Variants in PRDM16 observed in about 807,000 individuals in gnomAD.
PRDM16 encodes the protein PR/SET domain 16.
PRDM16 carries 23 observed loss-of-function variants against 110.6 expected under a neutral mutation model. The observed-to-expected ratio is 0.21, with a 90% CI of 0.15 to 0.29. The LOEUF is 0.29. Among genes scored for constraint, PRDM16 ranks in the 10% least tolerant of loss-of-function variants. The probability of loss-of-function intolerance (pLI) is 1.00; values close to 1 mark genes in which losing one functional copy is unlikely to be tolerated. For missense variants in PRDM16, 1,615 were observed against 1,794.3 expected (o/e 0.90, Z 1.81); for synonymous variants, 799 against 781.8 (o/e 1.02, Z -0.37).
chr1:3,323,250 TG>T (rs1300735532), intron 3 of PRDM16, among the ~76,000 whole-genome samples: 1 of 151,922 alleles, frequency 6.6e-6, no homozygotes, highest in Non-Finnish European at 1.5e-5. Flanking sequence ...AGCCACGAGG[TG>T]GGGCAGGACA....
intron 1 of PRDM16, among the ~76,000 whole-genome samples, chr1:3,185,495 T>C (rs1449440460): frequency 6.6e-6 from 1 of 151,854 alleles, no homozygotes; most frequent in Non-Finnish European, 1.5e-5. Context: ...TGCAGGGATG[T>C]CCAGGCTGCG....
intron 3 of PRDM16, among the ~76,000 whole-genome samples, chr1:3,335,265 C>T (rs901974719): frequency 6.6e-6 from 1 of 152,174 alleles, no homozygotes; most frequent in African/African-American, 2.4e-5. Flanking sequence ...ATCACCACAC[C>T]GAGGAAGGCA....
rs1644075898 is a variant in PRDM16, at chr1:3,175,622, G to T, written c.38-10503G>T. Among the ~76,000 whole-genome samples the T allele has an allele frequency of 6.6e-6, 1 of 152,126 alleles. No individual in the cohort carries two copies. Among genetic ancestry groups the T allele is most frequent in the Admixed American group, 6.5e-5 (1 of 15,280 alleles). The stretch of plus-strand genomic sequence containing the variant: ...AGGATGGGGCCCCAACAAGCCTCAG[G>T]TGGAAGCTGCAGTCCCGTGGAGCCA... On this transcript the variant is annotated intron_variant, in intron 1 of 16. Transcript: ENST00000270722. The surrounding 1 kb of genome is among the most constrained non-coding windows in gnomAD (Gnocchi z 4.8).
intron 4 of PRDM16, among the ~76,000 whole-genome samples, chr1:3,394,797 G>A (rs913466325): frequency 2.6e-5 from 4 of 152,136 alleles, no homozygotes; most frequent in Admixed American, 1.3e-4. Context: ...TTCTAATACA[G>A]TGGCTCAAGT....
intron 1 of PRDM16, among the ~76,000 whole-genome samples, chr1:3,169,798 G>T (rs1041012867): frequency 1.3e-5 from 2 of 152,164 alleles, no homozygotes; most frequent in Non-Finnish European, 2.9e-5. Flanking sequence ...GGTTCCCCCC[G>T]AGCCTCGGGC....
intron 3 of PRDM16, among the ~76,000 whole-genome samples, chr1:3,360,483 G>GGTCCTTAGGCACC (rs765483352): frequency 6.8e-4 from 103 of 152,314 alleles, no homozygotes; most frequent in Middle Eastern, 3.4e-3. Flanking sequence ...ACCTGCCAGT[G>GGTCCTTAGGCACC]AGCCCCCAGC....
Position 3,426,201 on chromosome 1 carries a change from A to G in PRDM16, c.3260A>G (p.Gln1087Arg). Residue 1087 changes from glutamine (Q) to arginine (R), a missense_variant, in exon 14 of 17, where the codon CAA becomes CGA. By Grantham distance (43) the Gln-to-Arg change is conservative. Around this residue, in one of 5 missense-constraint regions of PRDM16, gnomAD observed 327 missense variants for 359.3 expected, o/e 0.91. Coordinates refer to ENST00000270722, the MANE Select transcript of PRDM16 (RefSeq NM_022114.4). ...RNFIANSEMN[Q>R]ASTRTEKRAD... ...TTTATTGCCAATAGTGAGATGAACC[A>G]AGCATCAACGCGAACAGAGAAACGG... is the stretch of plus-strand genomic sequence containing the variant. The G allele has an allele frequency of 6.2e-7, 1 of 1,613,806 alleles. No homozygotes were observed.
chr1:3,337,521 C>T (rs1642185103), intron 3 of PRDM16, among the ~76,000 whole-genome samples: 1 of 152,208 alleles, frequency 6.6e-6, no homozygotes, highest in South Asian at 2.1e-4. Context: ...ACCAAGACAT[C>T]ATCAAGGGGA....
chr1:3,137,413 G>T (rs1384220288), intron 1 of PRDM16, among the ~76,000 whole-genome samples: 1 of 152,248 alleles, frequency 6.6e-6, no homozygotes, highest in African/African-American at 2.4e-5. Context: ...GCTAGGGAGA[G>T]TGGTGGCTGC....
Position 3,186,037 on chromosome 1 carries a change from T to C in PRDM16, c.38-88T>C, listed in dbSNP as rs1200172142. 4.0e-5 allele frequency: 46 copies of C among 1,154,736 alleles called. 3 individuals carry two copies. In the South Asian group the frequency reaches 5.0e-4, roughly 13 times the overall value. 71.5% of individuals were successfully genotyped at this position (1,154,736 alleles called of 1,614,324 possible). A position where few individuals can be genotyped will look rare whatever the true frequency, so the allele number is the denominator to read the frequency against. ...GGCCCCTGAGCACCCTCGGTGCCCA[T>C]TGATGCCCGAGTCCCCGGCGCTCCC... is the stretch of plus-strand genomic sequence containing the variant. On this transcript the variant is annotated intron_variant, in intron 1 of 16. Coordinates refer to ENST00000270722, the MANE Select transcript of PRDM16 (RefSeq NM_022114.4).
intron 2 of PRDM16, among the ~76,000 whole-genome samples, chr1:3,234,205 G>A (rs944891943): frequency 6.6e-6 from 1 of 152,176 alleles, no homozygotes; most frequent in African/African-American, 2.4e-5. Context: ...CTGTTCTGGG[G>A]GCCTTCCTCT....
At chr1:3,352,313 G>A (rs889041820) in intron 3 of PRDM16, among the ~76,000 whole-genome samples, 2 of 151,922 alleles carry the variant, frequency 1.3e-5, no homozygotes, top group Non-Finnish European at 2.9e-5. Flanking sequence ...CCCCTCCCAC[G>A]ACTTCCCACG....
intron 2 of PRDM16, among the ~76,000 whole-genome samples, chr1:3,188,435 C>T (rs79612213): frequency 0.012 from 1,819 of 152,286 alleles, 59 homozygotes; most frequent in East Asian, 0.099. Context: ...GCGCAGACTG[C>T]GCCACTGCCT....
At chr1:3,114,237 AGTGTAAACATG>A (rs1642878515) in intron 1 of PRDM16, among the ~76,000 whole-genome samples, 1 of 141,646 alleles carries the variant, frequency 7.1e-6, no homozygotes, top group Admixed American at 7.1e-5. Context: ...GCACACACGC[AGTGTAAACATG>A]CACACGCACG....
chr1:3,085,365 A>G (rs1163064784), intron 1 of PRDM16, among the ~76,000 whole-genome samples: 1 of 152,208 alleles, frequency 6.6e-6, no homozygotes, highest in African/African-American at 2.4e-5. Flanking sequence ...CTGGGGGACT[A>G]CAGGGGCTCC....
At chr1:3,388,990 C>G (rs1643248392) in intron 4 of PRDM16, among the ~76,000 whole-genome samples, 1 of 152,198 alleles carries the variant, frequency 6.6e-6, no homozygotes, top group African/African-American at 2.4e-5. Flanking sequence ...CAGTGCAGCA[C>G]CCACAGGCCC....
intron 2 of PRDM16, among the ~76,000 whole-genome samples, chr1:3,204,277 G>C (rs1034907858): frequency 3.9e-5 from 6 of 152,114 alleles, no homozygotes; most frequent in African/African-American, 1.4e-4. Context: ...ACGTCTGTGT[G>C]GGGGGAGGGC....
Position 3,120,765 on chromosome 1 carries a change from C to A in PRDM16, c.37+51469C>A, listed in dbSNP as rs116764533. On this transcript the variant is annotated intron_variant, in intron 1 of 16. Transcript: ENST00000270722. ...CCTCGTGGGAGTGACCCCAGCCAGG[C>A]AGAGTCTGGGGACCCGGATGGCAGG... Among the ~76,000 whole-genome samples the A allele has an allele frequency of 2.0e-3, 307 of 152,278 alleles. 1 individual carries two copies. Among genetic ancestry groups the A allele is most frequent in the African/African-American group, 7.1e-3 (295 of 41,566 alleles).
intron 3 of PRDM16, among the ~76,000 whole-genome samples, chr1:3,285,455 G>A (rs1278426009): frequency 2.0e-5 from 3 of 152,202 alleles, no homozygotes; most frequent in Non-Finnish European, 2.9e-5. Flanking sequence ...TGCCACAGCC[G>A]CTGTGTCGCC....
Sources: gnomAD v4.1 joint callset for allele counts (sites outside exome capture counted in the v4.1 genomes callset) on GRCh38, gnomAD v4.1.1 for gene constraint, gnomAD v4.1.1 regional missense constraint, Gnocchi (gnomAD v3.1) non-coding constraint, MANE v1.5 for transcripts, NCBI Gene and HGNC (gene_info 2026-07-23, HGNC 2026-07-21) for gene names.